Variants in IRS2 observed in about 807,000 individuals in gnomAD.
IRS2 encodes the protein insulin receptor substrate 2.
A neutral mutation model predicts 70.9 loss-of-function variants in IRS2; 28 were observed. The observed-to-expected ratio is 0.39, with a 90% CI of 0.29 to 0.54. The LOEUF (loss-of-function observed/expected upper bound fraction) is 0.54. Ranked by LOEUF, IRS2 falls within the 20% of genes least tolerant of loss-of-function variation. IRS2 has a pLI of 0.59. For synonymous variants in IRS2, 1,217 were observed against 981.9 expected (o/e 1.24, Z -4.48); for missense variants, 2,081 against 2,024.1 (o/e 1.03, Z -0.54).
At chr13:109,782,003 C>T in intron 1 of IRS2, 39 bp downstream of exon 1, 11 of 1,605,952 alleles carry the variant, frequency 6.8e-6, no homozygotes, top group Non-Finnish European at 9.3e-6. Context: ...CGCCCCGCCC[C>T]TCCTTCCCGC....
chr13:109,767,728 CTTTTTTTTTT>C lies in IRS2; in HGVS notation c.4013-11430_4013-11421del, dbSNP rs748211544. ...TGGAAAATCAGCTCGACCATTTTTC[CTTTTTTTTTT>C]TTTTTTTTTTTTGAGATGGAGTCTC... On this transcript the variant is annotated intron_variant, in intron 1 of 1. Transcript: ENST00000375856. Among the ~76,000 whole-genome samples, 151 of 119,786 alleles carry C rather than the reference CTTTTTTTTTT, an allele frequency of 1.3e-3. 2 individuals are homozygous for C. In the East Asian group the frequency reaches 0.026, roughly 20 times the overall value. 78.6% of individuals were successfully genotyped at this position (119,786 alleles called of 152,430 possible).
rs543124352 is a variant in IRS2 at position 109,755,042 on chromosome 13, G to C, written c.*1262C>G. 1 of 227,808 alleles carries C rather than the reference G, an allele frequency of 4.4e-6. No homozygotes were observed. The highest frequency in any genetic ancestry group is 8.7e-6 in the Non-Finnish European group (1 of 114,650). 14.1% of individuals were successfully genotyped at this position (227,808 alleles called of 1,614,324 possible). Reference sequence around the variant, plus strand: ...TTCAGCAGTTTTAGGTAACATCTGCGAGAACTGCCACACACTGGTATTTTC... The same window carrying C: ...TTCAGCAGTTTTAGGTAACATCTGCCAGAACTGCCACACACTGGTATTTTC... On this transcript the variant is annotated 3_prime_UTR_variant, in exon 2 of 2. Transcript: ENST00000375856.
At position 109,755,134 on chromosome 13, in the gene IRS2, C is replaced by T. The variant is rs1208951334; in HGVS notation, c.*1170G>A. The T allele has an allele frequency of 8.6e-6, 2 of 231,442 alleles. No individual in the cohort carries two copies. The highest frequency in any genetic ancestry group is 6.1e-5 in the East Asian group (1 of 16,452). The allele number at this position is 231,442 out of a possible 1,614,324, so 14.3% of individuals were successfully genotyped here. On this transcript the variant is annotated 3_prime_UTR_variant, in exon 2 of 2. Transcript: ENST00000375856. ...TTTTTTCGACAAGTAACATGTACTG[C>T]GAGATTGCTTTTCTTCTTTTTCTTT...
chr13:109,775,253 G>T (rs1426350114), intron 1 of IRS2, among the ~76,000 whole-genome samples: 1 of 151,554 alleles, frequency 6.6e-6, no homozygotes, highest in African/African-American at 2.4e-5. Context: ...TGAGTAGCTG[G>T]GACTACAGGT....
intron 1 of IRS2, among the ~76,000 whole-genome samples, chr13:109,772,263 C>T (rs1877468556): frequency 1.3e-5 from 2 of 152,220 alleles, no homozygotes; most frequent in South Asian, 4.1e-4. Flanking sequence ...GGTAGGTGCA[C>T]GCTCTTCCCA....
rs1877074471 is a variant in IRS2 at position 109,755,157 on chromosome 13, T to C, written c.*1147A>G. 1 of 232,630 alleles carries C rather than the reference T, an allele frequency of 4.3e-6. No individual in the cohort carries two copies. Among genetic ancestry groups the C allele is most frequent in the African/African-American group, 2.2e-5 (1 of 45,444 alleles). 14.4% of individuals were successfully genotyped at this position (232,630 alleles called of 1,614,324 possible). On this transcript the variant is annotated 3_prime_UTR_variant, in exon 2 of 2. Coordinates refer to ENST00000375856, the MANE Select transcript of IRS2 (RefSeq NM_003749.3). Reference sequence around the variant, plus strand: ...TGCGAGATTGCTTTTCTTCTTTTTCTTTTTCCATCAATAACATAGGGGCTG... The same window carrying C: ...TGCGAGATTGCTTTTCTTCTTTTTCCTTTTCCATCAATAACATAGGGGCTG...
In IRS2 at chr13:109,785,211, C is replaced by A; in HGVS notation, c.843G>T (p.Gln281His). ...WMQADDSVVA[Q>H]NIHETILEAM... ...CCTCCAGGATGGTCTCGTGGATGTT[C>A]TGCGCCACCACCGAGTCGTCCGCCT... The change falls in exon 1 of 2, where the codon CAG (glutamine) becomes CAT (histidine). Residue 281 changes from glutamine (Q) to histidine (H), a missense_variant. Gln to His is a conservative substitution (Grantham distance 24). Around this residue, in one of 4 missense-constraint regions of IRS2, gnomAD observed 35 missense variants for 78.6 expected, o/e 0.45. Coordinates refer to ENST00000375856, the MANE Select transcript of IRS2 (RefSeq NM_003749.3). The surrounding 1 kb of genome is among the most constrained non-coding windows in gnomAD (Gnocchi z 9.3). 1.9e-6 allele frequency: 3 copies of A among 1,603,726 alleles called. No individual in the cohort carries two copies. Among genetic ancestry groups the A allele is most frequent in the East Asian group, 2.3e-5 (1 of 44,246 alleles).
In IRS2 at chr13:109,786,070, C is replaced by T. The variant is rs1175570724; in HGVS notation, c.-17G>A. On this transcript the variant is annotated 5_prime_UTR_variant, in exon 1 of 2. Coordinates refer to ENST00000375856, the MANE Select transcript of IRS2 (RefSeq NM_003749.3). This position sits in a 1 kb window ranked among gnomAD's most constrained non-coding sequence, Gnocchi z 4.4. ...GCTCGCCATCGCGGGCGCTTCAGGC[C>T]GCGCGGCCCGGGCCCGGCGCCCAGG... 9.0e-7 allele frequency: 1 copy of T among 1,113,788 alleles called. No individual in the cohort carries two copies. The highest frequency in any genetic ancestry group is 5.6e-5 in the East Asian group (1 of 17,980). 69.0% of individuals were successfully genotyped at this position (1,113,788 alleles called of 1,614,324 possible).
At chr13:109,757,478 A>G (rs919958149) in intron 1 of IRS2, among the ~76,000 whole-genome samples, 5 of 152,166 alleles carry the variant, frequency 3.3e-5, no homozygotes, top group Admixed American at 2.0e-4. Flanking sequence ...GAACTCAACA[A>G]GACAGAAACT....
chr13:109,764,455 T>C (rs1877292404), intron 1 of IRS2, among the ~76,000 whole-genome samples: 1 of 152,250 alleles, frequency 6.6e-6, no homozygotes, highest in Non-Finnish European at 1.5e-5. Context: ...TGAGATTTCA[T>C]GTATAAAATA....
chr13:109,779,063 G>C (rs1393743301), intron 1 of IRS2, among the ~76,000 whole-genome samples: 1 of 152,230 alleles, frequency 6.6e-6, no homozygotes, highest in Non-Finnish European at 1.5e-5. Flanking sequence ...GCATAATTTT[G>C]AGTTTGCTCT....
chr13:109,782,232 C>A lies in IRS2; in HGVS notation c.3822G>T (p.Pro1274=). 1 of 1,595,202 alleles carries A rather than the reference C, an allele frequency of 6.3e-7. No individual in the cohort carries two copies. The highest frequency in any genetic ancestry group is 8.5e-7 in the Non-Finnish European group (1 of 1,170,674). ...AGCTCTTGTCTCCCGGCTGAGGAAG[C>A]GGCGGCGGCGGCGGCTGCGGCTGGG... ...LPPQPQPPPP[P]LPQPGDKSSW... The change falls in exon 1 of 2, where the codon CCG becomes CCT. Residue 1274 remains proline, a synonymous_variant. Transcript: ENST00000375856.
rs1269609206 is a variant in IRS2 at position 109,785,370 on chromosome 13, G to C, written c.684C>G (p.Phe228Leu). 1.9e-6 allele frequency: 3 copies of C among 1,612,284 alleles called. No individual in the cohort carries two copies. Among genetic ancestry groups the C allele is most frequent in the Non-Finnish European group, 2.5e-6 (3 of 1,179,876 alleles). ...RLCLSARTIG[F>L]VKLNCEQPSV... Reference sequence around the variant, plus strand: ...ACGGCTGCTCGCAGTTGAGCTTCACGAAGCCGATGGTGCGCGCAGACAGGC... The same window carrying C: ...ACGGCTGCTCGCAGTTGAGCTTCACCAAGCCGATGGTGCGCGCAGACAGGC... The change falls in exon 1 of 2, where the codon TTC becomes TTG. Residue 228 changes from phenylalanine (F) to leucine (L), a missense_variant. By Grantham distance (22) the Phe-to-Leu change is conservative (BLOSUM62 0). Around this residue, in one of 4 missense-constraint regions of IRS2, gnomAD observed 320 missense variants for 352.9 expected, o/e 0.91. Coordinates refer to ENST00000375856, the MANE Select transcript of IRS2 (RefSeq NM_003749.3). This position sits in a 1 kb window ranked among gnomAD's most constrained non-coding sequence, Gnocchi z 9.3.
intron 1 of IRS2, among the ~76,000 whole-genome samples, chr13:109,758,798 C>T (rs1877161266): frequency 7.0e-6 from 1 of 142,130 alleles, no homozygotes; most frequent in Non-Finnish European, 1.5e-5. Flanking sequence ...TGGTGCAAGG[C>T]CTCACTGATA....
At position 109,782,663 on chromosome 13, in the gene IRS2, G is replaced by T; in HGVS notation, c.3391C>A (p.Arg1131Ser). ...LQASQPPDPH[R>S]GAKVIRADPQ... ...TCTGCGCGGATGACCTTGGCGCCGC[G>T]GTGGGGGTCCGGGGGCTGGCTGGCC... The change falls in exon 1 of 2, where the codon CGC (arginine) becomes AGC (serine). Residue 1131 changes from arginine (R) to serine (S), a missense_variant. Around this residue, in one of 4 missense-constraint regions of IRS2, gnomAD observed 1,615 missense variants for 1,459.5 expected, o/e 1.11. Coordinates refer to ENST00000375856, the MANE Select transcript of IRS2 (RefSeq NM_003749.3). 6.4e-7 allele frequency: 1 copy of T among 1,572,164 alleles called. No individual in the cohort carries two copies.
chr13:109,756,971 T>G (rs1252277013), intron 1 of IRS2, among the ~76,000 whole-genome samples: 1 of 152,224 alleles, frequency 6.6e-6, no homozygotes, highest in Non-Finnish European at 1.5e-5. Flanking sequence ...AGGGTTATTT[T>G]TATCCACTCA....
rs748188450 is a variant in IRS2, at chr13:109,785,790, C to T, written c.264G>A (p.Ala88=). ...SEKKWRSKAG[A]PKRVIALDCC... ...AGTCGAGAGCGATCACCCGTTTCGGCGCGCCTGCCTTGCTCCGCCACTTTT... is the reference window on the plus strand; with the variant it reads ...AGTCGAGAGCGATCACCCGTTTCGGTGCGCCTGCCTTGCTCCGCCACTTTT... The change falls in exon 1 of 2, where the codon GCG becomes GCA. Residue 88 remains alanine (A), a synonymous_variant. Transcript: ENST00000375856. This position sits in a 1 kb window ranked among gnomAD's most constrained non-coding sequence, Gnocchi z 9.3. 5.1e-6 allele frequency: 8 copies of T among 1,583,320 alleles called. No individual in the cohort carries two copies. The highest frequency in any genetic ancestry group is 4.5e-5 in the South Asian group (4 of 89,150).
At chr13:109,769,913 C>T (rs922057301) in intron 1 of IRS2, among the ~76,000 whole-genome samples, 2 of 152,194 alleles carry the variant, frequency 1.3e-5, no homozygotes, top group Non-Finnish European at 1.5e-5. Context: ...TTTTTGCCAT[C>T]GTCCTTTCTG....
intron 1 of IRS2, among the ~76,000 whole-genome samples, chr13:109,762,042 A>G (rs1330008970): frequency 6.6e-6 from 1 of 152,184 alleles, no homozygotes; most frequent in Non-Finnish European, 1.5e-5. Context: ...ACTTTTACCT[A>G]CTGCACTTCC....
Sources: gnomAD v4.1 joint callset for allele counts (sites outside exome capture counted in the v4.1 genomes callset) on GRCh38, gnomAD v4.1.1 for gene constraint, gnomAD v4.1.1 regional missense constraint, Gnocchi (gnomAD v3.1) non-coding constraint, MANE v1.5 for transcripts, NCBI Gene and HGNC (gene_info 2026-07-23, HGNC 2026-07-21) for gene names.